GREB1: variants seen among roughly 807,000 people sequenced by gnomAD.
GREB1 encodes growth regulating estrogen receptor binding 1.
A neutral mutation model predicts 200.7 loss-of-function variants in GREB1; 106 were observed. The ratio of observed to expected loss-of-function variants is 0.53; its 90% CI spans 0.45 to 0.62. The LOEUF (loss-of-function observed/expected upper bound fraction) is 0.62, where lower values mean the gene tolerates loss of function less well. Ranked by LOEUF, GREB1 falls within the 20% of genes least tolerant of loss-of-function variation. GREB1 has a pLI of 0.00. For synonymous variants in GREB1, 1,132 were observed against 1,092.4 expected (o/e 1.04, Z -0.72); for missense variants, 2,243 against 2,556.8 (o/e 0.88, Z 2.65).
intron 4 of GREB1, among the ~76,000 whole-genome samples, chr2:11,568,773 C>T (rs186336489): frequency 5.3e-5 from 8 of 152,346 alleles, no homozygotes; most frequent in Admixed American, 2.6e-4. Flanking sequence ...GCCAGCTCAT[C>T]GAGGAGAGGA....
intron 1 of GREB1, among the ~76,000 whole-genome samples, chr2:11,549,836 T>C (rs950067674): frequency 6.6e-6 from 1 of 152,254 alleles, no homozygotes; most frequent in African/African-American, 2.4e-5. Flanking sequence ...TTTCTTTTAG[T>C]GTCTACCTTT....
In GREB1 at chr2:11,576,538, G is replaced by A; in HGVS notation, c.637+3G>A. 1 of 1,610,624 alleles carries A rather than the reference G, an allele frequency of 6.2e-7. No individual in the cohort carries two copies. ...TTTAATCTGTTGGAAAGGCTCAGGTGAGCAGGTTGGCTGTGGAGGAGGTAT... is the reference window on the plus strand; with the variant it reads ...TTTAATCTGTTGGAAAGGCTCAGGTAAGCAGGTTGGCTGTGGAGGAGGTAT... On this transcript the variant is annotated splice_donor_region_variant and intron_variant, in intron 5 of 32. Transcript: ENST00000381486.
chr2:11,555,513 A>G (rs1676344546), intron 1 of GREB1, among the ~76,000 whole-genome samples: 1 of 152,240 alleles, frequency 6.6e-6, no homozygotes, highest in Non-Finnish European at 1.5e-5. Context: ...CAAGTTCTGA[A>G]GAGAATTAAG....
intron 10 of GREB1, among the ~76,000 whole-genome samples, chr2:11,589,610 G>C (rs552125096): frequency 6.6e-6 from 1 of 152,262 alleles, no homozygotes; most frequent in Non-Finnish European, 1.5e-5. Context: ...GGATGGAGGT[G>C]ATCTGATTTT....
chr2:11,592,123 C>T (rs60913398), intron 10 of GREB1: 2 of 981,804 alleles, frequency 2.0e-6, no homozygotes, highest in Non-Finnish European at 2.4e-6. Context: ...TCCTAACTTT[C>T]TGAATTCTGT....
chr2:11,595,168 A>C, intron 11 of GREB1, 83 bp from the exon 12 acceptor site: 1 of 1,246,408 alleles, frequency 8.0e-7, no homozygotes, highest in South Asian at 1.4e-5. Context: ...CAAGTCTAGA[A>C]GGGTTAAGGG....
chr2:11,600,856 G>T lies in GREB1; in HGVS notation c.2390G>T (p.Arg797Leu). Residue 797 changes from arginine (R) to leucine (L), a missense_variant, in exon 16 of 33, where the codon CGA (arginine) becomes CTA (leucine). By Grantham distance (102) the Arg-to-Leu change is moderately radical (BLOSUM62 -2). Around this residue, in one of 3 missense-constraint regions of GREB1, gnomAD observed 1,178 missense variants for 1,387.4 expected, o/e 0.85. Transcript: ENST00000381486. ...QSDPSVGLVDRLLNCREVKEA... is the reference protein window; with the variant it reads ...QSDPSVGLVDLLLNCREVKEA... ...GACCCGTCGGTGGGATTGGTGGACC[G>T]ATTGCTCAACTGCAGGGAGGTGAAG... 1.2e-6 allele frequency: 2 copies of T among 1,614,086 alleles called. No individual in the cohort carries two copies. The highest frequency in any genetic ancestry group is 1.7e-6 in the Non-Finnish European group (2 of 1,179,984).
chr2:11,542,221 A>C (rs886111185), intron 1 of GREB1, among the ~76,000 whole-genome samples: 2 of 152,110 alleles, frequency 1.3e-5, no homozygotes, highest in African/African-American at 2.4e-5. Flanking sequence ...CTGATTCTGG[A>C]AGAGGAAAGT....
intron 4 of GREB1, among the ~76,000 whole-genome samples, chr2:11,574,270 A>C (rs963217298): frequency 6.6e-6 from 1 of 152,224 alleles, no homozygotes; most frequent in Non-Finnish European, 1.5e-5. Flanking sequence ...ACGTGCAGTC[A>C]TGCTGCGAGC....
Position 11,618,431 on chromosome 2 carries a change from C to T in GREB1, c.3556C>T (p.Pro1186Ser), listed in dbSNP as rs761611700. The change falls in exon 22 of 33, where the codon CCC (proline) becomes TCC (serine). Residue 1186 changes from proline (P) to serine (S), a missense_variant. Around this residue, in one of 3 missense-constraint regions of GREB1, gnomAD observed 587 missense variants for 553.1 expected, o/e 1.06. Transcript: ENST00000381486. ...KQRPRASQGP[P>S]SAISRHSPGP... ...GAGGCCCCGGGCAAGTCAGGGGCCACCCTCGGCCATCAGCAGGCACAGTCC... is the reference window on the plus strand; with the variant it reads ...GAGGCCCCGGGCAAGTCAGGGGCCATCCTCGGCCATCAGCAGGCACAGTCC... The T allele has an allele frequency of 6.2e-7, 1 of 1,606,958 alleles. No individual in the cohort carries two copies. The highest frequency in any genetic ancestry group is 8.5e-7 in the Non-Finnish European group (1 of 1,177,366).
intron 1 of GREB1, among the ~76,000 whole-genome samples, chr2:11,513,784 G>A (rs914845744): frequency 2.6e-5 from 4 of 152,130 alleles, no homozygotes; most frequent in East Asian, 1.9e-4. Context: ...TCTTGGTACC[G>A]ATATTGCCAT....
intron 1 of GREB1, among the ~76,000 whole-genome samples, chr2:11,503,597 C>T (rs146012335): frequency 0.015 from 2,215 of 152,302 alleles, 54 homozygotes; most frequent in Admixed American, 0.055. Context: ...TGCTCGCTAG[C>T]GTGGCCAGAC....
chr2:11,632,171 G>T, intron 27 of GREB1, 58 bp downstream of exon 27: 1 of 1,188,594 alleles, frequency 8.4e-7, no homozygotes, highest in Non-Finnish European at 1.2e-6. Flanking sequence ...ACACTTGAGA[G>T]AGTGTTCTAG....
At chr2:11,611,972 T>C (rs1682973725) in intron 18 of GREB1, among the ~76,000 whole-genome samples, 1 of 152,034 alleles carries the variant, frequency 6.6e-6, no homozygotes, top group South Asian at 2.1e-4. Context: ...GGCGGGCGGA[T>C]CACTTGAGGT....
intron 1 of GREB1, among the ~76,000 whole-genome samples, chr2:11,483,322 G>C (rs1332955856): frequency 5.2e-5 from 3 of 57,588 alleles, no homozygotes; most frequent in African/African-American, 1.2e-4. Flanking sequence ...GTATCGGTGT[G>C]CGCGCGCGTG....
intron 1 of GREB1, among the ~76,000 whole-genome samples, chr2:11,490,855 A>G (rs1294286008): frequency 3.3e-5 from 5 of 152,170 alleles, no homozygotes. Context: ...GGCCTTGGAA[A>G]TGTGTCTTTA....
chr2:11,535,006 AG>A (rs1465829096), intron 1 of GREB1, among the ~76,000 whole-genome samples: 2 of 152,072 alleles, frequency 1.3e-5, no homozygotes, highest in African/African-American at 4.8e-5. Flanking sequence ...TAGCGGCTCT[AG>A]TTCTTGTTGG....
At chr2:11,510,186 G>C (rs894800957) in intron 1 of GREB1, among the ~76,000 whole-genome samples, 1 of 152,172 alleles carries the variant, frequency 6.6e-6, no homozygotes, top group Non-Finnish European at 1.5e-5. Flanking sequence ...TGTATATTCA[G>C]TAAATTAGTA....
chr2:11,581,716 G>GA (rs1401425108), intron 7 of GREB1, among the ~76,000 whole-genome samples: 1 of 152,188 alleles, frequency 6.6e-6, no homozygotes, highest in Non-Finnish European at 1.5e-5. Flanking sequence ...AATTGGATTT[G>GA]AAGATCTAAG....
Sources: allele counts gnomAD v4.1 joint callset (sites outside exome capture counted in the v4.1 genomes callset), GRCh38; gene constraint gnomAD v4.1.1; regional missense constraint gnomAD v4.1.1; transcripts MANE v1.5; gene names NCBI Gene and HGNC (gene_info 2026-07-23, HGNC 2026-07-21).